Variants in MBOAT1 observed in about 807,000 individuals in gnomAD.
MBOAT1 encodes membrane bound glycerophospholipid O-acyltransferase 1.
Under a neutral mutation model 64.4 loss-of-function variants are expected in MBOAT1, and 67 were observed. The ratio of observed to expected loss-of-function variants is 1.04; its 90% confidence interval spans 0.85 to 1.27. The LOEUF (loss-of-function observed/expected upper bound fraction) is 1.27, where lower values mean the gene tolerates loss of function less well. Among genes scored for constraint, MBOAT1 ranks in the 50% most tolerant of loss-of-function variants. MBOAT1 has a pLI of 0.00. For missense variants in MBOAT1, 563 were observed against 604.6 expected (o/e 0.93, Z 0.72); for synonymous variants, 229 against 218.9 (o/e 1.05, Z -0.41).
intron 8 of MBOAT1, among the ~76,000 whole-genome samples, chr6:20,123,651 T>C (rs1447810646): frequency 1.3e-5 from 2 of 150,498 alleles, no homozygotes; most frequent in Non-Finnish European, 3.0e-5. Context: ...TTCTAAGACA[T>C]AAAAACCTAA....
chr6:20,101,041 C>A lies in MBOAT1; in HGVS notation c.*1245G>T, dbSNP rs1224505100. On this transcript the variant is annotated 3_prime_UTR_variant, in exon 13 of 13. Transcript: ENST00000324607. Reference sequence around the variant, plus strand: ...GAAACTGAAAAAATGAAAATCAGCCCATGTGTACATCACGGCCAGCCATGA... The same window carrying A: ...GAAACTGAAAAAATGAAAATCAGCCAATGTGTACATCACGGCCAGCCATGA... Among the ~76,000 whole-genome samples the A allele has an allele frequency of 6.6e-6, 1 of 152,124 alleles. No homozygotes were observed.
intron 8 of MBOAT1, among the ~76,000 whole-genome samples, chr6:20,121,746 GA>G (rs1308040642): frequency 6.6e-6 from 1 of 152,164 alleles, no homozygotes; most frequent in African/African-American, 2.4e-5. Context: ...AGAGAAAAGA[GA>G]AAAGGAAGGT....
rs199842098 is a variant in MBOAT1 at position 20,203,295 on chromosome 6, C to CA, written c.99+8840dup. ...TCACAGAAATCTGAAACAACTGGGC[C>CA]AAAAAAAAAAAGATACTAATAGCTG... is the stretch of plus-strand genomic sequence containing the variant. On this transcript the variant is annotated intron_variant, in intron 1 of 12. Transcript: ENST00000324607. Among the ~76,000 whole-genome samples, 2,120 of 139,336 alleles carry CA rather than the reference C, an allele frequency of 0.015. 114 individuals carry two copies. In the East Asian group the frequency reaches 0.23, roughly 15 times the overall value. 91.4% of individuals were successfully genotyped at this position (139,336 alleles called of 152,430 possible). A position where few individuals can be genotyped will look rare whatever the true frequency, so the allele number is the denominator to read the frequency against.
Position 20,131,149 on chromosome 6 carries a change from T to TTTTTG in MBOAT1, c.469_470insCAAAA (p.His157ProfsTer6), listed in dbSNP as rs748123775. ...AGGAGGGCTGCTGTTCTTACCATCA[T>TTTTTG]GAACCTGGAATGCCAAGGTTGTGAT... On this transcript the variant is annotated frameshift_variant, in exon 5 of 13. Coordinates refer to ENST00000324607, the MANE Select transcript of MBOAT1 (RefSeq NM_001080480.3). LOFTEE classifies it high-confidence loss of function. 2 of 1,613,676 alleles carry TTTTTG rather than the reference T, an allele frequency of 1.2e-6. No homozygotes were observed. The highest frequency in any genetic ancestry group is 1.7e-6 in the Non-Finnish European group (2 of 1,179,678).
intron 12 of MBOAT1, 102 bp downstream of exon 12, chr6:20,109,496 G>T: frequency 7.2e-7 from 1 of 1,389,024 alleles, no homozygotes; most frequent in South Asian, 1.4e-5. Context: ...GCCCCAGTTA[G>T]AAGTGTTTAG....
intron 3 of MBOAT1, among the ~76,000 whole-genome samples, chr6:20,148,756 G>A (rs1263327978): frequency 5.3e-5 from 8 of 152,236 alleles, no homozygotes; most frequent in African/African-American, 1.9e-4. Context: ...CATCCAAGGG[G>A]AACTGTGAAA....
At chr6:20,191,160 A>C (rs1463837778) in intron 1 of MBOAT1, among the ~76,000 whole-genome samples, 1 of 152,218 alleles carries the variant, frequency 6.6e-6, no homozygotes, top group Non-Finnish European at 1.5e-5. Flanking sequence ...AATCCAGGTT[A>C]GTTATCTCGA....
At chr6:20,210,868 C>T (rs1481386743) in intron 1 of MBOAT1, among the ~76,000 whole-genome samples, 2 of 152,076 alleles carry the variant, frequency 1.3e-5, no homozygotes, top group South Asian at 2.1e-4. Context: ...ACAAACTCCC[C>T]TTAAGGAAAT....
chr6:20,102,468 A>G, intron 12 of MBOAT1, 56 bp from the exon 13 acceptor site: 1 of 1,442,088 alleles, frequency 6.9e-7, no homozygotes, highest in South Asian at 1.2e-5. Context: ...GATGGGAAAC[A>G]CCACCTAATT....
At chr6:20,158,477 G>A (rs1761759498) in intron 1 of MBOAT1, among the ~76,000 whole-genome samples, 1 of 152,152 alleles carries the variant, frequency 6.6e-6, no homozygotes, top group South Asian at 2.1e-4. Context: ...ACTGCTAGAA[G>A]AAAACATAGG....
At chr6:20,173,043 C>A (rs992981462) in intron 1 of MBOAT1, among the ~76,000 whole-genome samples, 19 of 152,290 alleles carry the variant, frequency 1.2e-4, no homozygotes, top group African/African-American at 4.1e-4. Flanking sequence ...GCACCTCCAC[C>A]CTCACTCTCT....
chr6:20,109,844 G>A, intron 11 of MBOAT1, 95 bp from the exon 12 acceptor site: 1 of 1,276,808 alleles, frequency 7.8e-7, no homozygotes, highest in Non-Finnish European at 1.1e-6. Context: ...ACAGGAACAT[G>A]GGCTACAGAA....
intron 1 of MBOAT1, among the ~76,000 whole-genome samples, chr6:20,170,838 A>G (rs528344294): frequency 1.7e-3 from 262 of 152,290 alleles, no homozygotes; most frequent in Non-Finnish European, 1.7e-3. Flanking sequence ...AACCATGTCT[A>G]TCCTTTTTAC....
intron 4 of MBOAT1, among the ~76,000 whole-genome samples, chr6:20,131,858 T>C (rs1371760614): frequency 6.6e-6 from 1 of 151,854 alleles, no homozygotes; most frequent in African/African-American, 2.4e-5. Flanking sequence ...CAGGAGCTAG[T>C]TGGAAATGCA....
At chr6:20,115,919 C>A in intron 9 of MBOAT1, among the ~76,000 whole-genome samples, 1 of 152,022 alleles carries the variant, frequency 6.6e-6, no homozygotes, top group East Asian at 1.9e-4. Flanking sequence ...TATCACCCAA[C>A]CGGCAGTGGC....
At chr6:20,131,959 T>C (rs1014021267) in intron 4 of MBOAT1, among the ~76,000 whole-genome samples, 3 of 152,146 alleles carry the variant, frequency 2.0e-5, no homozygotes, top group Non-Finnish European at 2.9e-5. Flanking sequence ...CATGGCTCAC[T>C]GTGGCCTCGA....
intron 1 of MBOAT1, among the ~76,000 whole-genome samples, chr6:20,163,189 T>C (rs1406942992): frequency 6.6e-6 from 1 of 152,106 alleles, no homozygotes; most frequent in Non-Finnish European, 1.5e-5. Flanking sequence ...TCCTATCCCA[T>C]AAATCAAATC....
chr6:20,131,338 T>C (rs1165690669), intron 4 of MBOAT1, 139 bp from the exon 5 acceptor site: 1 of 706,126 alleles, frequency 1.4e-6, no homozygotes, highest in African/African-American at 1.7e-5. Flanking sequence ...TGGGAGGTAA[T>C]TGAATCATGG....
chr6:20,212,012 A>G (rs541753094), intron 1 of MBOAT1, 124 bp downstream of exon 1: 4 of 762,898 alleles, frequency 5.2e-6, no homozygotes, highest in African/African-American at 3.5e-5. Context: ...ACAAAAACCA[A>G]CTGTCTAGTG....
Sources: allele counts gnomAD v4.1 joint callset (sites outside exome capture counted in the v4.1 genomes callset), GRCh38; gene constraint gnomAD v4.1.1; transcripts MANE v1.5; gene names NCBI Gene and HGNC (gene_info 2026-07-23, HGNC 2026-07-21).